The following SLC6A9 variants were observed in gnomAD, a reference collection of about 807,000 sequenced individuals.
The protein encoded by SLC6A9 is solute carrier family 6 member 9.
In SLC6A9, 31 loss-of-function variants were observed where a neutral mutation model predicts 70.9. The ratio of observed to expected loss-of-function variants is 0.44; its 90% CI spans 0.33 to 0.59. The LOEUF (loss-of-function observed/expected upper bound fraction) is 0.59. Ranked by LOEUF, SLC6A9 falls within the 20% of genes least tolerant of loss-of-function variation. The pLI, the probability that SLC6A9 is intolerant of heterozygous loss-of-function variation, is 0.04. For synonymous variants in SLC6A9, 310 were observed against 341.3 expected, an observed-to-expected ratio of 0.91 and a Z score of 1.01; for missense variants, 631 against 845.2, an observed-to-expected ratio of 0.75 and a Z score of 3.14.
intron 2 of SLC6A9, among the ~76,000 whole-genome samples, chr1:44,012,027 C>A (rs1173230382): frequency 6.6e-6 from 1 of 152,192 alleles, no homozygotes; most frequent in African/African-American, 2.4e-5. Context: ...CACAGACAGA[C>A]CTTAGTGCCA....
At chr1:44,015,260 G>A (rs1211346500) in intron 2 of SLC6A9, among the ~76,000 whole-genome samples, 1 of 152,160 alleles carries the variant, frequency 6.6e-6, no homozygotes, top group African/African-American at 2.4e-5. Context: ...AGGGAGCCCA[G>A]CTCTCCACCC....
rs374604844 is a variant in SLC6A9, at chr1:44,017,124, C to T, written c.31-6242G>A. ...CGAGCGATCGCAGCCCGCGTGTCTC[C>T]GCCGCTCATTCACACCTCTGCCAGC... On this transcript the variant is annotated intron_variant, in intron 2 of 13. Coordinates refer to ENST00000372310, the MANE Select transcript of SLC6A9 (RefSeq NM_001024845.3). The T allele has an allele frequency of 6.0e-5, 96 of 1,607,218 alleles. No homozygotes were observed. In the Middle Eastern group the frequency reaches 2.0e-3, roughly 33 times the overall value.
intron 2 of SLC6A9, among the ~76,000 whole-genome samples, chr1:44,012,166 T>G (rs1378456290): frequency 1.3e-5 from 2 of 152,202 alleles, no homozygotes; most frequent in African/African-American, 4.8e-5. Context: ...AAGAGACATA[T>G]TCGACAGCAG....
At chr1:44,001,718 C>T (rs1056053938) in intron 8 of SLC6A9, 91 bp from the exon 9 acceptor site, 8 of 924,154 alleles carry the variant, frequency 8.7e-6, no homozygotes, top group Admixed American at 2.2e-5. Flanking sequence ...GGTACAAAGG[C>T]ACCCCCAACT....
chr1:44,028,482 G>A (rs1031204032), intron 1 of SLC6A9, among the ~76,000 whole-genome samples: 4 of 152,212 alleles, frequency 2.6e-5, no homozygotes, highest in Middle Eastern at 3.2e-3. Flanking sequence ...CAGGCTGGGC[G>A]CGGTGGCTCA....
At position 44,025,650 on chromosome 1, in the gene SLC6A9, A is replaced by C. The variant is rs112249229; in HGVS notation, c.-85-1288T>G. 1.4e-3 allele frequency among the ~76,000 whole-genome samples: 218 copies of C among 152,148 alleles called. 1 individual carries two copies. The highest frequency in any genetic ancestry group is 0.01 in the South Asian group (50 of 4,812). On this transcript the variant is annotated intron_variant, in intron 1 of 13. Transcript: ENST00000372310. ...CCCTGTCTCTACTAAAATTACAAAAATTAGCTGGGCATGGTGGCAGGTGCC... is the reference window on the plus strand; with the variant it reads ...CCCTGTCTCTACTAAAATTACAAAACTTAGCTGGGCATGGTGGCAGGTGCC...
At position 44,002,841 on chromosome 1, in the gene SLC6A9, A is replaced by T. The variant is rs199758808; in HGVS notation, c.723+12T>A. 3.6e-5 allele frequency: 58 copies of T among 1,613,788 alleles called. No individual in the cohort carries two copies. Among genetic ancestry groups the T allele is most frequent in the Non-Finnish European group, 4.2e-5 (49 of 1,179,948 alleles). On this transcript the variant is annotated intron_variant, in intron 6 of 13. Transcript: ENST00000372310. The surrounding 1 kb of genome is among the most constrained non-coding windows in gnomAD (Gnocchi z 5.5). ...TGGGTGGGCACAGACCCTGCTGGGG[A>T]GGGGTACTTGCTTTCCCTGAAGACT...
chr1:44,003,146 C>T (rs925833916), intron 5 of SLC6A9, among the ~76,000 whole-genome samples, 161 bp from the exon 6 acceptor site: 3 of 152,352 alleles, frequency 2.0e-5, no homozygotes. Flanking sequence ...CCCTGGCCGG[C>T]CCAGTCCCCT....
intron 5 of SLC6A9, 35 bp from the exon 6 acceptor site, chr1:44,003,020 C>T (rs767204834): frequency 2.4e-5 from 39 of 1,611,970 alleles, no homozygotes; most frequent in South Asian, 3.3e-5. Context: ...GAGGGCCAGC[C>T]GCCGCTGCCC....
chr1:44,001,725 A>G, intron 8 of SLC6A9, 98 bp from the exon 9 acceptor site: 1 of 882,250 alleles, frequency 1.1e-6, no homozygotes. Flanking sequence ...AGGCACCCCC[A>G]ACTCTTTTTT....
Position 44,008,387 on chromosome 1 carries a change from G to C in SLC6A9, c.556C>G (p.Leu186Val), listed in dbSNP as rs751756253. Residue 186 changes from leucine to valine, a missense_variant, in exon 5 of 14, where the codon CTC becomes GTC. Coordinates refer to ENST00000372310, the MANE Select transcript of SLC6A9 (RefSeq NM_001024845.3). Reference sequence around the variant, plus strand: ...TCCTCGCTGGGGCTGGTCCTCTGGAGGCTGTGGTTGAGCAGGTGGGAGAGG... The same window carrying C: ...TCCTCGCTGGGGCTGGTCCTCTGGACGCTGTGGTTGAGCAGGTGGGAGAGG... The part of the protein sequence containing the change: ...SNLSHLLNHS[L>V]QRTSPSEEYW... 2 of 1,614,146 alleles carry C rather than the reference G, an allele frequency of 1.2e-6. No individual in the cohort carries two copies. Among genetic ancestry groups the C allele is most frequent in the Admixed American group, 3.3e-5 (2 of 60,038 alleles).
At chr1:44,009,537 C>T (rs576791578) in intron 4 of SLC6A9, among the ~76,000 whole-genome samples, 18 of 152,184 alleles carry the variant, frequency 1.2e-4, no homozygotes, top group Admixed American at 1.1e-3. Context: ...TGGGGTTTCT[C>T]CATGTTGGTC....
chr1:44,001,937 T>C (rs1346720274), intron 8 of SLC6A9, among the ~76,000 whole-genome samples: 1 of 152,220 alleles, frequency 6.6e-6, no homozygotes, highest in Non-Finnish European at 1.5e-5. Flanking sequence ...GGTCTCACTA[T>C]GCTGCCCAGG....
rs2086863238 is a variant in SLC6A9 at position 44,020,602 on chromosome 1, G to A, written c.30+3646C>T. 2.6e-5 allele frequency among the ~76,000 whole-genome samples: 4 copies of A among 152,338 alleles called. No homozygotes were observed. In the South Asian group the frequency reaches 8.3e-4, roughly 32 times the overall value. On this transcript the variant is annotated intron_variant, in intron 2 of 13. Transcript: ENST00000372310. ...TCGGTTAGGTGAGTGCCCAGGCAGG[G>A]ACAGGCCCTCTACCAAGGGAGTGTC...
At chr1:44,008,650 G>A (rs774808755) in intron 4 of SLC6A9, 27 bp from the exon 5 acceptor site, 3 of 1,599,084 alleles carry the variant, frequency 1.9e-6, no homozygotes, top group South Asian at 2.2e-5. Context: ...GTGGGGGGAG[G>A]AGCCTCAGCA....
chr1:44,001,998 A>G (rs985960992), intron 8 of SLC6A9, among the ~76,000 whole-genome samples: 6 of 152,080 alleles, frequency 3.9e-5, no homozygotes, highest in Non-Finnish European at 1.5e-5. Context: ...GGCCTCTCAA[A>G]GTGCTGGGAT....
Position 44,001,029 on chromosome 1 carries a change from C to T in SLC6A9, c.1362G>A (p.Met454Ile), listed in dbSNP as rs549176835. The T allele has an allele frequency of 1.3e-6, 2 of 1,581,154 alleles. No individual in the cohort carries two copies. Among genetic ancestry groups the T allele is most frequent in the Non-Finnish European group, 1.7e-6 (2 of 1,162,242 alleles). ...AGGAGAAGCTGGCCGCATAGTTGTC[C>T]ATCAGCAGCAGCCAATAGATGCCTG... Reference protein sequence around the residue: ...SQAGIYWLLLMDNYAASFSLV... With the variant: ...SQAGIYWLLLIDNYAASFSLV... Residue 454 changes from methionine to isoleucine, a missense_variant, in exon 11 of 14, where the codon ATG becomes ATA. Transcript: ENST00000372310.
intron 2 of SLC6A9, chr1:44,016,632 A>G (rs1571902743): frequency 7.5e-6 from 1 of 133,876 alleles, no homozygotes; most frequent in Admixed American, 8.1e-5. Context: ...CACTGAAACC[A>G]TGTACCACGT....
At chr1:44,010,191 T>G in intron 3 of SLC6A9, 95 bp from the exon 4 acceptor site, 2 of 1,382,712 alleles carry the variant, frequency 1.4e-6, no homozygotes, top group Non-Finnish European at 2.0e-6. Context: ...CCTTCGCGAT[T>G]GGGTAGGACC....
Sources: gnomAD v4.1 joint callset for allele counts (sites outside exome capture counted in the v4.1 genomes callset) on GRCh38, gnomAD v4.1.1 for gene constraint, Gnocchi (gnomAD v3.1) non-coding constraint, MANE v1.5 for transcripts, NCBI Gene and HGNC (gene_info 2026-07-23, HGNC 2026-07-21) for gene names.